Variants in PTPN14 observed in about 807,000 individuals in gnomAD.
PTPN14 encodes the protein tyrosine-protein phosphatase non-receptor type 14.
PTPN14 carries 53 observed loss-of-function variants against 126.8 expected under a neutral mutation model. The observed-to-expected ratio is 0.42, with a 90% CI of 0.34 to 0.53. The LOEUF (loss-of-function observed/expected upper bound fraction) is 0.53, where lower values mean the gene tolerates loss of function less well. Ranked by LOEUF, PTPN14 falls within the 20% of genes least tolerant of loss-of-function variation. The probability of loss-of-function intolerance (pLI) is 0.08; values close to 1 mark genes in which losing one functional copy is unlikely to be tolerated. For missense variants in PTPN14, 1,257 were observed against 1,552.9 expected (o/e 0.81, Z 3.20); for synonymous variants, 630 against 599.3 (o/e 1.05, Z -0.75).
chr1:214,471,465 A>T (rs1309069635), intron 1 of PTPN14, among the ~76,000 whole-genome samples: 1 of 152,178 alleles, frequency 6.6e-6, no homozygotes, highest in Non-Finnish European at 1.5e-5. Context: ...AAATGAGAAA[A>T]CAGTGCTAGT....
intron 11 of PTPN14, among the ~76,000 whole-genome samples, chr1:214,389,249 A>G (rs888996199): frequency 6.6e-6 from 1 of 152,190 alleles, no homozygotes. Context: ...AAAAACCAAT[A>G]AGTAAGTTAC....
chr1:214,410,345 A>T (rs981160314), intron 5 of PTPN14, among the ~76,000 whole-genome samples: 1 of 143,114 alleles, frequency 7.0e-6, no homozygotes, highest in Non-Finnish European at 1.5e-5. Context: ...GCCAGGCTGG[A>T]GTGCAGTGGC....
chr1:214,480,528 C>G (rs1446798138), intron 1 of PTPN14, among the ~76,000 whole-genome samples: 1 of 152,148 alleles, frequency 6.6e-6, no homozygotes, highest in Non-Finnish European at 1.5e-5. Flanking sequence ...AAGCAGAAAG[C>G]CTCCCAAAAT....
intron 1 of PTPN14, among the ~76,000 whole-genome samples, chr1:214,472,964 T>A (rs1428975470): frequency 2.0e-5 from 3 of 152,216 alleles, no homozygotes; most frequent in Non-Finnish European, 4.4e-5. Context: ...TCTGTAAACA[T>A]CACATCTTAA....
chr1:214,371,193 G>C (rs1455647585), intron 16 of PTPN14, among the ~76,000 whole-genome samples: 1 of 152,078 alleles, frequency 6.6e-6, no homozygotes, highest in Non-Finnish European at 1.5e-5. Context: ...CCCTCAGAGG[G>C]TCCTTGGCCA....
At position 214,466,569 on chromosome 1, in the gene PTPN14, C is replaced by T. The variant is rs191953102; in HGVS notation, c.-154-1612G>A. On this transcript the variant is annotated intron_variant, in intron 1 of 18. Coordinates refer to ENST00000366956, the MANE Select transcript of PTPN14 (RefSeq NM_005401.5). ...AACAAAAGTGGCCTTATTGCTCCAC[C>T]CTGAGCCAGCAATCTTGCTGGGAGG... Among the ~76,000 whole-genome samples the T allele has an allele frequency of 1.4e-3, 211 of 152,296 alleles. 4 individuals are homozygous for T. The highest frequency in any genetic ancestry group is 6.2e-4 in the Non-Finnish European group (42 of 68,024).
Position 214,383,714 on chromosome 1 carries a change from T to TA in PTPN14, c.2140_2141insT (p.Glu714ValfsTer38). 1 of 1,613,484 alleles carries TA rather than the reference T, an allele frequency of 6.2e-7. No individual in the cohort carries two copies. The highest frequency in any genetic ancestry group is 1.3e-5 in the African/African-American group (1 of 75,054). On this transcript the variant is annotated frameshift_variant, in exon 13 of 19. Transcript: ENST00000366956. LOFTEE classifies it high-confidence loss of function. The surrounding 1 kb of genome is among the most constrained non-coding windows in gnomAD (Gnocchi z 4.4). ...GGGCACCGATTCTGGAGCCTCCTCC[T>TA]CCTCCTCCTCACTCTCGCTGCTGTG...
chr1:214,357,666 T>G lies in PTPN14; in HGVS notation c.*256A>C. On this transcript the variant is annotated 3_prime_UTR_variant, in exon 19 of 19. Transcript: ENST00000366956. ...ACAATACAGATCAGTCAAGATGTGGTTCAAATGAAAAGTACTATATTACTA... is the reference window on the plus strand; with the variant it reads ...ACAATACAGATCAGTCAAGATGTGGGTCAAATGAAAAGTACTATATTACTA... 3.3e-6 allele frequency: 1 copy of G among 298,538 alleles called. No homozygotes were observed. 18.5% of individuals were successfully genotyped at this position (298,538 alleles called of 1,614,324 possible). A position where few individuals can be genotyped will look rare whatever the true frequency, so the allele number is the denominator to read the frequency against.
intron 1 of PTPN14, among the ~76,000 whole-genome samples, chr1:214,525,874 CA>C (rs1655380048): frequency 6.6e-6 from 1 of 151,794 alleles, no homozygotes; most frequent in South Asian, 2.1e-4. Flanking sequence ...TGCAAAAATT[CA>C]AAATGGACTT....
Position 214,383,543 on chromosome 1 carries a change from A to G in PTPN14, c.2312T>C (p.Leu771Pro), listed in dbSNP as rs1300040481. ...CCTGGCTCTGGCCATGGCGGGAGGA[A>G]GGCTGGCTTGGTCCTGCCTCAGAGC... Reference protein sequence around the residue: ...NGALRQDQASLPPAMARARVL... With the variant: ...NGALRQDQASPPPAMARARVL... The change falls in exon 13 of 19, where the codon CTT becomes CCT. Residue 771 changes from leucine to proline, a missense_variant. Physicochemically the swap from Leu to Pro is moderately conservative, Grantham distance 98 (BLOSUM62 -3). Transcript: ENST00000366956. The surrounding 1 kb of genome is among the most constrained non-coding windows in gnomAD (Gnocchi z 4.4). 3.1e-6 allele frequency: 5 copies of G among 1,613,790 alleles called. No homozygotes were observed. The Admixed American group carries it at 8.3e-5, about 27-fold the overall frequency.
intron 3 of PTPN14, among the ~76,000 whole-genome samples, chr1:214,439,010 A>G (rs545828729): frequency 6.6e-6 from 1 of 152,186 alleles, no homozygotes; most frequent in Non-Finnish European, 1.5e-5. Flanking sequence ...AACACCAGAG[A>G]GTGAGGTCTT....
intron 1 of PTPN14, among the ~76,000 whole-genome samples, chr1:214,503,248 T>C (rs947396323): frequency 9.2e-5 from 14 of 152,242 alleles, no homozygotes; most frequent in African/African-American, 3.4e-4. Flanking sequence ...ACTCATTAAA[T>C]CTTCAAAACT....
At chr1:214,449,451 T>C (rs1297771531) in intron 3 of PTPN14, among the ~76,000 whole-genome samples, 1 of 152,232 alleles carries the variant, frequency 6.6e-6, no homozygotes, top group Non-Finnish European at 1.5e-5. Context: ...TCATTTTTCT[T>C]ACAGACAGAA....
At chr1:214,360,827 T>G (rs1037751187) in intron 18 of PTPN14, among the ~76,000 whole-genome samples, 3 of 152,212 alleles carry the variant, frequency 2.0e-5, no homozygotes, top group African/African-American at 4.8e-5. Flanking sequence ...CACCCAAATC[T>G]CATGTTGACT....
At chr1:214,546,374 A>G (rs1655969022) in intron 1 of PTPN14, among the ~76,000 whole-genome samples, 1 of 152,232 alleles carries the variant, frequency 6.6e-6, no homozygotes, top group Non-Finnish European at 1.5e-5. Context: ...ATTAACCCCC[A>G]GAGGTGAATT....
At chr1:214,493,459 T>G (rs1418476725) in intron 1 of PTPN14, among the ~76,000 whole-genome samples, 1 of 152,214 alleles carries the variant, frequency 6.6e-6, no homozygotes, top group Non-Finnish European at 1.5e-5. Flanking sequence ...GTGATTATTA[T>G]GTATTATATG....
intron 1 of PTPN14, among the ~76,000 whole-genome samples, chr1:214,516,747 A>T (rs967603534): frequency 3.5e-4 from 47 of 134,800 alleles, no homozygotes; most frequent in Non-Finnish European, 1.0e-4. Flanking sequence ...TTTTGATATT[A>T]AAAAAAAACT....
chr1:214,484,026 G>A (rs1306899603), intron 1 of PTPN14, among the ~76,000 whole-genome samples: 1 of 152,152 alleles, frequency 6.6e-6, no homozygotes, highest in African/African-American at 2.4e-5. Context: ...AGGACAAAAG[G>A]AAAAAGAAAT....
intron 1 of PTPN14, among the ~76,000 whole-genome samples, chr1:214,517,006 T>C (rs1655119786): frequency 6.6e-6 from 1 of 152,112 alleles, no homozygotes; most frequent in African/African-American, 2.4e-5. Context: ...CCTGGAGAAA[T>C]TCTTTCTCAT....
Sources: allele counts gnomAD v4.1 joint callset (sites outside exome capture counted in the v4.1 genomes callset), GRCh38; gene constraint gnomAD v4.1.1; non-coding constraint Gnocchi (gnomAD v3.1); transcripts MANE v1.5; gene names NCBI Gene and HGNC (gene_info 2026-07-23, HGNC 2026-07-21).